The following TOM1L1 variants were observed in gnomAD, a reference collection of about 807,000 sequenced individuals.
TOM1L1 encodes target of myb1 like 1 membrane trafficking protein.
In TOM1L1, 64 loss-of-function variants were observed where a neutral mutation model predicts 63.4. The observed-to-expected ratio is 1.01, with a 90% CI of 0.83 to 1.24. TOM1L1 has a LOEUF of 1.24. TOM1L1 is among the 50% of genes most tolerant of loss of function. The pLI is 0.00. For synonymous variants in TOM1L1, 166 were observed against 194.4 expected (o/e 0.85, Z 1.22); for missense variants, 536 against 567.0 (o/e 0.95, Z 0.55).
At chr17:54,951,589 CTG>C (rs1598060457) in intron 14 of TOM1L1, among the ~76,000 whole-genome samples, 1 of 152,216 alleles carries the variant, frequency 6.6e-6, no homozygotes, top group Admixed American at 6.5e-5. Context: ...TAACAAAAGA[CTG>C]TAACAAGGGC....
At chr17:54,957,291 T>C (rs2024465) in intron 14 of TOM1L1, 44,722 of 152,138 alleles carry the variant, frequency 0.29, 6,906 homozygotes, top group African/African-American at 0.35. Context: ...GTCCACTATG[T>C]ATTTTTTCCT....
intron 14 of TOM1L1, among the ~76,000 whole-genome samples, chr17:54,951,050 C>T (rs1480705156): frequency 1.3e-5 from 2 of 152,268 alleles, no homozygotes; most frequent in African/African-American, 2.4e-5. Context: ...TCCCCACCAC[C>T]CCGACACCTA....
intron 7 of TOM1L1, among the ~76,000 whole-genome samples, chr17:54,926,139 A>G (rs369997670): frequency 3.3e-5 from 5 of 152,218 alleles, no homozygotes; most frequent in African/African-American, 1.2e-4. Context: ...GCTCTTTGTT[A>G]GACTCTTAGG....
At chr17:54,957,125 T>A (rs1411987591) in intron 14 of TOM1L1, 1 of 152,216 alleles carries the variant, frequency 6.6e-6, no homozygotes, top group Non-Finnish European at 1.5e-5. Context: ...ACTCCTATAG[T>A]CCCTGGAGAC....
chr17:54,931,949 G>GTTTTTTTTTTTTTTTTT (rs10632110), intron 8 of TOM1L1, among the ~76,000 whole-genome samples: 5 of 121,480 alleles, frequency 4.1e-5, no homozygotes, highest in African/African-American at 1.6e-4. Flanking sequence ...TTTTTTCTTC[G>GTTTTTTTTTTTTTTTTT]TTTTTTTTTT....
intron 8 of TOM1L1, among the ~76,000 whole-genome samples, chr17:54,934,580 C>T (rs1186886884): frequency 6.6e-6 from 1 of 152,164 alleles, no homozygotes; most frequent in Non-Finnish European, 1.5e-5. Flanking sequence ...AAAGTCTCTG[C>T]TCATTACATC....
intron 6 of TOM1L1, among the ~76,000 whole-genome samples, chr17:54,915,017 T>G (rs988360914): frequency 6.6e-6 from 1 of 152,238 alleles, no homozygotes; most frequent in African/African-American, 2.4e-5. Context: ...GACTGTGGAC[T>G]GGATCTAGGG....
rs764999500 is a variant in TOM1L1 at position 54,912,694 on chromosome 17, G to T, written c.251G>T (p.Gly84Val). 9 of 1,605,556 alleles carry T rather than the reference G, an allele frequency of 5.6e-6. No homozygotes were observed. The South Asian group carries it at 7.9e-5, about 14-fold the overall frequency. ...ATTGACATGTGTGTGCAGAACTGTGGTCCAAGTTTCCAGTCTCTGATTGTG... is the reference window on the plus strand; with the variant it reads ...ATTGACATGTGTGTGCAGAACTGTGTTCCAAGTTTCCAGTCTCTGATTGTG... ...SLIDMCVQNC[G>V]PSFQSLIVKK... is the part of the protein sequence containing the mutation. Residue 84 changes from glycine (G) to valine (V), a missense_variant, in exon 4 of 16, where the codon GGT (glycine) becomes GTT (valine). Transcript: ENST00000575882.
At chr17:54,955,522 C>T (rs1455993673) in intron 14 of TOM1L1, among the ~76,000 whole-genome samples, 1 of 152,130 alleles carries the variant, frequency 6.6e-6, no homozygotes. Context: ...TTAGGGGTTG[C>T]CACAGACTAA....
chr17:54,954,369 C>T (rs1041596745), intron 14 of TOM1L1: 4 of 152,200 alleles, frequency 2.6e-5, no homozygotes, highest in African/African-American at 9.7e-5. Context: ...TAGACCCGAG[C>T]AAAACCTCTT....
intron 1 of TOM1L1, among the ~76,000 whole-genome samples, chr17:54,903,082 G>A (rs1233829810): frequency 6.6e-6 from 1 of 152,258 alleles, no homozygotes; most frequent in Admixed American, 6.5e-5. Flanking sequence ...GTGAGATTAA[G>A]ATGATAGGAC....
intron 4 of TOM1L1, among the ~76,000 whole-genome samples, chr17:54,913,269 G>A (rs556072291): frequency 9.9e-5 from 15 of 152,272 alleles, no homozygotes; most frequent in African/African-American, 3.4e-4. Context: ...TATTTTCCTA[G>A]CCTTTGAAAA....
chr17:54,950,148 T>C, intron 14 of TOM1L1, 22 bp downstream of exon 14: 1 of 1,584,246 alleles, frequency 6.3e-7, no homozygotes, highest in Non-Finnish European at 8.7e-7. Flanking sequence ...ACAAAATGAT[T>C]AATTTATTTT....
At position 54,949,462 on chromosome 17, in the gene TOM1L1, TA is replaced by T. The variant is rs1567841179; in HGVS notation, c.1183-52del. 2.9e-6 allele frequency: 4 copies of T among 1,363,928 alleles called. No individual in the cohort carries two copies. In the South Asian group the frequency reaches 3.5e-5, roughly 12 times the overall value. 84.5% of individuals were successfully genotyped at this position (1,363,928 alleles called of 1,614,324 possible). On this transcript the variant is annotated intron_variant, in intron 12 of 15. Coordinates refer to ENST00000575882, the MANE Select transcript of TOM1L1 (RefSeq NM_005486.3). ...CTTGCAAGTGTAGGAGTCTCAGTAA[TA>T]AAAGAAAAGCTTAATGTAGAACGTT...
chr17:54,961,074 T>C (rs1465986348), intron 15 of TOM1L1, 161 bp from the exon 16 acceptor site: 3 of 629,606 alleles, frequency 4.8e-6, no homozygotes, highest in Non-Finnish European at 8.4e-6. Flanking sequence ...TCAAAACTTA[T>C]TTATTCCCCT....
Position 54,913,825 on chromosome 17 carries a change from C to A in TOM1L1, c.450C>A (p.Gly150=). Residue 150 remains glycine (G), a synonymous_variant, in exon 5 of 16, where the codon GGC becomes GGA. Coordinates refer to ENST00000575882, the MANE Select transcript of TOM1L1 (RefSeq NM_005486.3). ...TATACCTCGACCTGGTTAAGAAAGGCGTTCAGTTTCCTCCCTCAGAAGCAG... is the reference window on the plus strand; with the variant it reads ...TATACCTCGACCTGGTTAAGAAAGGAGTTCAGTTTCCTCCCTCAGAAGCAG... The part of the protein sequence containing the change: ...KEVYLDLVKK[G]VQFPPSEAEA... 1 of 1,612,016 alleles carries A rather than the reference C, an allele frequency of 6.2e-7. No individual in the cohort carries two copies. Among genetic ancestry groups the A allele is most frequent in the Non-Finnish European group, 8.5e-7 (1 of 1,178,766 alleles).
intron 3 of TOM1L1, 85 bp from the exon 4 acceptor site, chr17:54,912,581 C>G (rs1023069105): frequency 1.7e-6 from 2 of 1,153,572 alleles, no homozygotes; most frequent in African/African-American, 3.2e-5. Context: ...GCTGATGGAA[C>G]CCATTATTTA....
chr17:54,931,418 A>C (rs1191654797), intron 8 of TOM1L1, among the ~76,000 whole-genome samples: 2 of 152,204 alleles, frequency 1.3e-5, no homozygotes, highest in Non-Finnish European at 2.9e-5. Flanking sequence ...CTTCCTCTGC[A>C]CCGGTGTCCC....
intron 7 of TOM1L1, among the ~76,000 whole-genome samples, chr17:54,919,828 C>T (rs2048652303): frequency 6.6e-6 from 1 of 151,812 alleles, no homozygotes; most frequent in African/African-American, 2.4e-5. Flanking sequence ...TAAATAACTC[C>T]ACTATGGTTG....
Sources: gnomAD v4.1 joint callset for allele counts (sites outside exome capture counted in the v4.1 genomes callset) on GRCh38, gnomAD v4.1.1 for gene constraint, MANE v1.5 for transcripts, NCBI Gene and HGNC (gene_info 2026-07-23, HGNC 2026-07-21) for gene names.